GRIK2: variants seen among roughly 807,000 people sequenced by gnomAD.
The protein encoded by GRIK2 is glutamate receptor ionotropic, kainate 2.
In GRIK2, 32 loss-of-function variants were observed where a neutral mutation model predicts 100.3. That is an observed-to-expected ratio of 0.32 (90% CI 0.24 to 0.43). The LOEUF is 0.43. Ranked by LOEUF, GRIK2 falls within the 20% of genes least tolerant of loss-of-function variation. The pLI, the probability that GRIK2 is intolerant of heterozygous loss-of-function variation, is 1.00. For synonymous variants in GRIK2, 417 were observed against 389.4 expected (o/e 1.07, Z -0.83); for missense variants, 843 against 1,114.9 (o/e 0.76, Z 3.47).
intron 5 of GRIK2, among the ~76,000 whole-genome samples, chr6:101,681,078 G>A (rs1011354514): frequency 2.6e-5 from 4 of 151,964 alleles, no homozygotes; most frequent in African/African-American, 9.7e-5. Flanking sequence ...TACCTAACTG[G>A]TTAATGCTGA....
chr6:101,731,313 C>CAAAA (rs1276525303), intron 7 of GRIK2, among the ~76,000 whole-genome samples: 1 of 151,892 alleles, frequency 6.6e-6, no homozygotes, highest in Admixed American at 6.6e-5. Flanking sequence ...GAACGACCAT[C>CAAAA]AAAATCTCTT....
At chr6:102,011,341 T>C (rs972324895) in intron 14 of GRIK2, among the ~76,000 whole-genome samples, 2 of 152,172 alleles carry the variant, frequency 1.3e-5, no homozygotes, top group Admixed American at 6.5e-5. Flanking sequence ...TCCATAGCTC[T>C]TCCTTGGTAA....
chr6:101,878,362 T>C (rs2128452171), intron 11 of GRIK2, among the ~76,000 whole-genome samples: 1 of 151,394 alleles, frequency 6.6e-6, no homozygotes, highest in South Asian at 2.1e-4. Context: ...CTATTTAGTC[T>C]AGTGCATATA....
chr6:101,527,927 T>A (rs1775233544), intron 2 of GRIK2, among the ~76,000 whole-genome samples: 1 of 152,162 alleles, frequency 6.6e-6, no homozygotes, highest in Non-Finnish European at 1.5e-5. Flanking sequence ...TGGTTAATTA[T>A]TCCAAAGGAC....
At chr6:101,661,507 G>A (rs534542291) in intron 4 of GRIK2, among the ~76,000 whole-genome samples, 2 of 152,044 alleles carry the variant, frequency 1.3e-5, no homozygotes, top group Non-Finnish European at 2.9e-5. Flanking sequence ...TGGCATTGCA[G>A]GTGTCACTGT....
At chr6:101,608,112 G>T (rs947422870) in intron 2 of GRIK2, among the ~76,000 whole-genome samples, 1 of 151,690 alleles carries the variant, frequency 6.6e-6, no homozygotes, top group African/African-American at 2.4e-5. Context: ...TTTTTCAATA[G>T]AAAACTGAAG....
At chr6:101,663,656 A>T (rs1376904017) in intron 4 of GRIK2, among the ~76,000 whole-genome samples, 3 of 152,212 alleles carry the variant, frequency 2.0e-5, no homozygotes, top group African/African-American at 7.2e-5. Flanking sequence ...ACTGATTATA[A>T]ACAACCATTA....
intron 14 of GRIK2, among the ~76,000 whole-genome samples, chr6:101,969,378 C>A (rs973941356): frequency 4.0e-5 from 6 of 151,700 alleles, no homozygotes; most frequent in Non-Finnish European, 5.9e-5. Context: ...AATATTTGTT[C>A]TATAGCCTGT....
intron 14 of GRIK2, among the ~76,000 whole-genome samples, chr6:101,957,443 T>C (rs979306935): frequency 6.6e-6 from 1 of 151,580 alleles, no homozygotes; most frequent in Non-Finnish European, 1.5e-5. Flanking sequence ...TGTAGGTTAT[T>C]AGTCTTTTGA....
intron 10 of GRIK2, among the ~76,000 whole-genome samples, chr6:101,848,154 T>A (rs2791833): frequency 0.12 from 18,220 of 152,150 alleles, 1,223 homozygotes; most frequent in Admixed American, 0.2. Flanking sequence ...AAGACTGTTG[T>A]GGAGCTGAGG....
chr6:102,033,956 T>TA (rs978274692), intron 14 of GRIK2, among the ~76,000 whole-genome samples: 7 of 150,722 alleles, frequency 4.6e-5, no homozygotes, highest in African/African-American at 1.5e-4. Context: ...CAGTTGTGAT[T>TA]AAAAAAAAAT....
At chr6:101,751,431 G>A (rs999287141) in intron 7 of GRIK2, among the ~76,000 whole-genome samples, 9 of 151,648 alleles carry the variant, frequency 5.9e-5, no homozygotes, top group South Asian at 2.1e-4. Context: ...TAGTAAATCC[G>A]AGACATCACA....
At chr6:101,834,385 G>A (rs994619642) in intron 10 of GRIK2, among the ~76,000 whole-genome samples, 1 of 151,576 alleles carries the variant, frequency 6.6e-6, no homozygotes, top group Non-Finnish European at 1.5e-5. Context: ...TCTGCTATTT[G>A]GGTTTTTTTG....
At chr6:101,659,401 T>C (rs991459716) in intron 4 of GRIK2, among the ~76,000 whole-genome samples, 3 of 152,222 alleles carry the variant, frequency 2.0e-5, no homozygotes, top group Non-Finnish European at 4.4e-5. Flanking sequence ...CCGTGCTCTT[T>C]TGGTTACTGT....
intron 12 of GRIK2, among the ~76,000 whole-genome samples, chr6:101,902,756 A>C (rs1183702881): frequency 1.3e-5 from 2 of 151,896 alleles, no homozygotes; most frequent in Non-Finnish European, 2.9e-5. Context: ...AAAAGTTCTT[A>C]AAGGAATAAA....
At chr6:101,979,658 T>C (rs920145139) in intron 14 of GRIK2, among the ~76,000 whole-genome samples, 1 of 151,924 alleles carries the variant, frequency 6.6e-6, no homozygotes. Flanking sequence ...TCTAACTTGG[T>C]AGGTAAAGTC....
intron 12 of GRIK2, among the ~76,000 whole-genome samples, chr6:101,914,910 A>T (rs1789000433): frequency 6.6e-6 from 1 of 151,496 alleles, no homozygotes; most frequent in African/African-American, 2.4e-5. Flanking sequence ...TCCTTTCTTA[A>T]CCATAGTTTA....
At chr6:101,508,590 A>T (rs1166918810) in intron 2 of GRIK2, among the ~76,000 whole-genome samples, 3 of 152,174 alleles carry the variant, frequency 2.0e-5, no homozygotes, top group Non-Finnish European at 4.4e-5. Flanking sequence ...CAAGATACTA[A>T]GATGTTAAGG....
chr6:101,712,080 C>G (rs558656978), intron 7 of GRIK2, among the ~76,000 whole-genome samples: 168 of 151,760 alleles, frequency 1.1e-3, no homozygotes, highest in African/African-American at 3.9e-3. Context: ...AAATTTGCAA[C>G]CAAGCTGAAA....
Sources: allele counts gnomAD v4.1 joint callset (sites outside exome capture counted in the v4.1 genomes callset), GRCh38; gene constraint gnomAD v4.1.1; transcripts MANE v1.5; gene names NCBI Gene and HGNC (gene_info 2026-07-23, HGNC 2026-07-21).